Variants in TBXAS1 observed in about 807,000 individuals in gnomAD.
TBXAS1 encodes thromboxane A synthase 1.
A neutral mutation model predicts 60.7 loss-of-function variants in TBXAS1; 48 were observed. That is an observed-to-expected ratio of 0.79 (90% CI 0.63 to 1.01). The LOEUF is 1.01. Among genes scored for constraint, TBXAS1 ranks in the 50% least tolerant of loss-of-function variants. The probability of loss-of-function intolerance (pLI) is 0.00; values close to 1 mark genes in which losing one functional copy is unlikely to be tolerated. For missense variants in TBXAS1, 685 were observed against 686.3 expected (o/e 1.00, Z 0.02); for synonymous variants, 287 against 269.7 (o/e 1.06, Z -0.63).
chr7:139,872,293 TCTC>T lies in TBXAS1; in HGVS notation c.151_153del (p.Pro51del). 1.2e-6 allele frequency: 2 copies of T among 1,614,036 alleles called. No homozygotes were observed. The highest frequency in any genetic ancestry group is 8.5e-7 in the Non-Finnish European group (1 of 1,179,948). Reference sequence around the variant, plus strand: ...GTTAGGCCTCAGACATCCCAAGCCTTCTCCTTTCATTGGAAACTTGACATTTTT... The same window carrying T: ...GTTAGGCCTCAGACATCCCAAGCCTTCTTTCATTGGAAACTTGACATTTTT... On this transcript the variant is annotated inframe_deletion, in exon 2 of 13. Transcript: ENST00000448866.
intron 4 of TBXAS1, among the ~76,000 whole-genome samples, chr7:139,915,440 G>T (rs757543198): frequency 4.6e-5 from 7 of 152,146 alleles, no homozygotes; most frequent in African/African-American, 1.7e-4. Flanking sequence ...GCTACCAAAC[G>T]GTCCCTTGTG....
intron 1 of TBXAS1, among the ~76,000 whole-genome samples, chr7:139,871,497 G>T (rs1034380216): frequency 2.0e-5 from 3 of 152,182 alleles, no homozygotes; most frequent in Non-Finnish European, 2.9e-5. Context: ...CCTATAAACT[G>T]TTGAAATACC....
At chr7:139,845,789 G>A (rs1424769685) in intron 1 of TBXAS1, among the ~76,000 whole-genome samples, 1 of 149,268 alleles carries the variant, frequency 6.7e-6, no homozygotes, top group African/African-American at 2.5e-5. Flanking sequence ...ACCCTGACTT[G>A]TCATATAACA....
At chr7:139,880,761 C>T (rs115082348) in intron 3 of TBXAS1, among the ~76,000 whole-genome samples, 32 of 152,282 alleles carry the variant, frequency 2.1e-4, no homozygotes, top group African/African-American at 7.0e-4. Flanking sequence ...CAAACACCAT[C>T]GCAGTGAAGA....
chr7:139,869,491 G>A (rs1358124307), intron 1 of TBXAS1, among the ~76,000 whole-genome samples: 2 of 152,050 alleles, frequency 1.3e-5, no homozygotes, highest in Non-Finnish European at 2.9e-5. Context: ...AGGTTCAAGA[G>A]ATTCTCTTAT....
In TBXAS1 at chr7:139,992,019, T is replaced by A. The variant is rs190463449; in HGVS notation, c.1135-15072T>A. 6.6e-5 allele frequency among the ~76,000 whole-genome samples: 10 copies of A among 152,280 alleles called. No homozygotes were observed. In the East Asian group the frequency reaches 1.9e-3, roughly 29 times the overall value. Reference sequence around the variant, plus strand: ...CCCTCATATGGGAAGAAGGATGGCATGGAATGGCCTTTCTCTCCCCCAACG... The same window carrying A: ...CCCTCATATGGGAAGAAGGATGGCAAGGAATGGCCTTTCTCTCCCCCAACG... On this transcript the variant is annotated intron_variant, in intron 9 of 12. Coordinates refer to ENST00000448866, the MANE Select transcript of TBXAS1 (RefSeq NM_001061.7).
At chr7:139,785,550 T>C (rs1381914626) in intron 3 of TBXAS1, among the ~76,000 whole-genome samples, 1 of 152,070 alleles carries the variant, frequency 6.6e-6, no homozygotes, top group Non-Finnish European at 1.5e-5. Flanking sequence ...CAGTACCTGA[T>C]TGAGCCTATC....
At chr7:139,788,413 CTGTT>C (rs1266726047) in intron 4 of TBXAS1, among the ~76,000 whole-genome samples, 1 of 152,220 alleles carries the variant, frequency 6.6e-6, no homozygotes, top group Non-Finnish European at 1.5e-5. Context: ...AAGTCATTGT[CTGTT>C]TTGTTCACTG....
chr7:139,914,984 A>T (rs190738637), intron 4 of TBXAS1, among the ~76,000 whole-genome samples: 1 of 152,252 alleles, frequency 6.6e-6, no homozygotes, highest in East Asian at 1.9e-4. Flanking sequence ...TTGAACCTGG[A>T]GTTGCAATAT....
At chr7:140,018,355 C>T (rs1815268076) in intron 12 of TBXAS1, among the ~76,000 whole-genome samples, 1 of 152,110 alleles carries the variant, frequency 6.6e-6, no homozygotes, top group Non-Finnish European at 1.5e-5. Context: ...AACGGTACCC[C>T]CAGCTTTGCC....
At chr7:139,797,129 A>G (rs1279251314) in intron 4 of TBXAS1, 1 of 152,242 alleles carries the variant, frequency 6.6e-6, no homozygotes, top group Non-Finnish European at 1.5e-5. Flanking sequence ...TTTTACACAT[A>G]AATAGAAAGA....
At chr7:139,902,033 A>C (rs1804618209) in intron 3 of TBXAS1, among the ~76,000 whole-genome samples, 1 of 151,136 alleles carries the variant, frequency 6.6e-6, no homozygotes, top group Non-Finnish European at 1.5e-5. Context: ...CCCAATGGTA[A>C]CCTCTTGCGT....
chr7:139,915,586 C>T (rs1805904031), intron 4 of TBXAS1, among the ~76,000 whole-genome samples: 1 of 152,120 alleles, frequency 6.6e-6, no homozygotes, highest in Non-Finnish European at 1.5e-5. Context: ...GAGTTTTGTC[C>T]CTGGACAGCC....
At chr7:139,792,343 T>G (rs1056753384) in intron 4 of TBXAS1, among the ~76,000 whole-genome samples, 1 of 152,166 alleles carries the variant, frequency 6.6e-6, no homozygotes, top group Non-Finnish European at 1.5e-5. Flanking sequence ...TTACAGAGAT[T>G]CATCCAATAT....
chr7:139,846,630 A>T (rs1026562400), intron 1 of TBXAS1, among the ~76,000 whole-genome samples: 1 of 152,202 alleles, frequency 6.6e-6, no homozygotes, highest in African/African-American at 2.4e-5. Context: ...TGTAAACCTC[A>T]TTCTGAATTC....
At chr7:139,830,362 A>G (rs1798625408) in intron 1 of TBXAS1, among the ~76,000 whole-genome samples, 4 of 152,164 alleles carry the variant, frequency 2.6e-5, no homozygotes, top group Admixed American at 2.6e-4. Context: ...AATAACTGGG[A>G]AAGCACTTTG....
At chr7:140,005,005 G>T (rs1409219594) in intron 9 of TBXAS1, among the ~76,000 whole-genome samples, 4 of 152,230 alleles carry the variant, frequency 2.6e-5, no homozygotes, top group Non-Finnish European at 5.9e-5. Flanking sequence ...AGTGTGGACA[G>T]CAACAGTGGC....
intron 3 of TBXAS1, chr7:139,875,884 G>C: frequency 1.8e-6 from 1 of 548,924 alleles, no homozygotes; most frequent in Non-Finnish European, 3.3e-6. Context: ...AGCCTTTGCA[G>C]CCTTGCTGGG....
chr7:139,869,424 G>C (rs1425635829), intron 1 of TBXAS1, among the ~76,000 whole-genome samples: 1 of 151,950 alleles, frequency 6.6e-6, no homozygotes, highest in Non-Finnish European at 1.5e-5. Flanking sequence ...GTCTCACTCT[G>C]TCACCCAGGC....
Sources: allele counts gnomAD v4.1 joint callset (sites outside exome capture counted in the v4.1 genomes callset), GRCh38; gene constraint gnomAD v4.1.1; transcripts MANE v1.5; gene names NCBI Gene and HGNC (gene_info 2026-07-23, HGNC 2026-07-21).